PTPRM: variants seen among roughly 807,000 people sequenced by gnomAD.
PTPRM encodes protein tyrosine phosphatase receptor type M, also known as receptor-type tyrosine-protein phosphatase mu.
PTPRM carries 47 observed loss-of-function variants against 186.7 expected under a neutral mutation model. The ratio of observed to expected loss-of-function variants is 0.25; its 90% confidence interval spans 0.20 to 0.32. The LOEUF (loss-of-function observed/expected upper bound fraction) is 0.32, where lower values mean the gene tolerates loss of function less well. PTPRM is among the 10% of genes least tolerant of loss of function. The pLI is 1.00. For missense variants in PTPRM, 1,494 were observed against 1,865.0 expected (o/e 0.80, Z 3.66); for synonymous variants, 668 against 674.9 (o/e 0.99, Z 0.16).
chr18:7,984,592 T>TAC (rs1555676848), intron 7 of PTPRM, among the ~76,000 whole-genome samples: 9 of 123,028 alleles, frequency 7.3e-5, no homozygotes, highest in African/African-American at 2.6e-4. Context: ...TATATATATA[T>TAC]ATATATATAT....
intron 20 of PTPRM, among the ~76,000 whole-genome samples, chr18:8,304,548 C>T (rs2095198862): frequency 6.6e-6 from 1 of 152,074 alleles, no homozygotes; most frequent in African/African-American, 2.4e-5. Context: ...TGGAGTTTCT[C>T]AAAGTGGCAG....
chr18:7,644,043 G>C (rs900321980), intron 1 of PTPRM, among the ~76,000 whole-genome samples: 5 of 152,102 alleles, frequency 3.3e-5, no homozygotes, highest in African/African-American at 1.2e-4. Context: ...TTCCTTGTCT[G>C]CTAGTATTAC....
At chr18:8,362,535 C>T (rs1255127180) in intron 23 of PTPRM, among the ~76,000 whole-genome samples, 13 of 152,092 alleles carry the variant, frequency 8.5e-5, no homozygotes. Flanking sequence ...AGGATCGCGC[C>T]CTCCCAGCCC....
chr18:8,028,563 A>AAAACCATATGTGT (rs1419528919), intron 7 of PTPRM, among the ~76,000 whole-genome samples: 2 of 152,240 alleles, frequency 1.3e-5, no homozygotes, highest in South Asian at 2.1e-4. Flanking sequence ...CTTGCCCATT[A>AAAACCATATGTGT]AAACCATATG....
At chr18:8,335,314 T>A (rs970181250) in intron 22 of PTPRM, among the ~76,000 whole-genome samples, 1 of 144,228 alleles carries the variant, frequency 6.9e-6, no homozygotes, top group African/African-American at 2.5e-5. Flanking sequence ...TCAACAATGC[T>A]AGTCCTGCTA....
intron 1 of PTPRM, among the ~76,000 whole-genome samples, chr18:7,669,439 A>G (rs900870593): frequency 2.0e-5 from 3 of 152,072 alleles, no homozygotes; most frequent in African/African-American, 4.8e-5. Flanking sequence ...TTGCATGCCT[A>G]TTGGGCCCCC....
chr18:7,634,475 G>A (rs184422140), intron 1 of PTPRM, among the ~76,000 whole-genome samples: 1 of 152,132 alleles, frequency 6.6e-6, no homozygotes, highest in Non-Finnish European at 1.5e-5. Flanking sequence ...TGGCTGTGAA[G>A]GTAGGACATG....
At chr18:8,143,881 C>T in intron 14 of PTPRM, 102 bp downstream of exon 14, 4 of 1,392,134 alleles carry the variant, frequency 2.9e-6, no homozygotes, top group Middle Eastern at 2.0e-4. Flanking sequence ...CTTTGATAAC[C>T]CAGACACATC....
chr18:8,113,774 T>C lies in PTPRM; in HGVS notation c.2130+15T>C. 1.2e-6 allele frequency: 2 copies of C among 1,600,286 alleles called. No homozygotes were observed. The highest frequency in any genetic ancestry group is 1.1e-5 in the South Asian group (1 of 89,792). On this transcript the variant is annotated intron_variant, in intron 12 of 32. Transcript: ENST00000580170. ...GAGCCAATGGGGTAAGTTGTACAGATAACTGTTTACTTAGGCTATTTGGGG... is the reference window on the plus strand; with the variant it reads ...GAGCCAATGGGGTAAGTTGTACAGACAACTGTTTACTTAGGCTATTTGGGG...
chr18:7,578,481 G>A (rs1012096079), intron 1 of PTPRM, among the ~76,000 whole-genome samples: 10 of 151,856 alleles, frequency 6.6e-5, no homozygotes, highest in African/African-American at 2.4e-4. Context: ...GGCTATAGGC[G>A]CCCGCCACCA....
Position 8,143,678 on chromosome 18 carries a change from C to G in PTPRM, c.2199C>G (p.Pro733=). 1 of 1,607,196 alleles carries G rather than the reference C, an allele frequency of 6.2e-7. No homozygotes were observed. The highest frequency in any genetic ancestry group is 8.5e-7 in the Non-Finnish European group (1 of 1,173,712). Reference sequence around the variant, plus strand: ...CCACTCCGAAACCAGTCCCAGAACCCGAGAAACAGACAGACCATACAGTTA... The same window carrying G: ...CCACTCCGAAACCAGTCCCAGAACCGGAGAAACAGACAGACCATACAGTTA... ...GAATPKPVPE[P]EKQTDHTVKI... Residue 733 remains proline, a synonymous_variant, in exon 14 of 33, where the codon CCC becomes CCG. Transcript: ENST00000580170.
At chr18:8,093,336 C>T (rs1369587056) in intron 11 of PTPRM, among the ~76,000 whole-genome samples, 1 of 150,024 alleles carries the variant, frequency 6.7e-6, no homozygotes, top group Non-Finnish European at 1.5e-5. Context: ...TTTGCACATA[C>T]TCAGCACCAT....
chr18:7,574,551 C>CA (rs1298422356), intron 1 of PTPRM, among the ~76,000 whole-genome samples: 1 of 152,158 alleles, frequency 6.6e-6, no homozygotes, highest in African/African-American at 2.4e-5. Flanking sequence ...AAGGATAAAG[C>CA]AGGTATAGTT....
At chr18:8,300,848 C>T (rs950110732) in intron 20 of PTPRM, among the ~76,000 whole-genome samples, 4 of 152,184 alleles carry the variant, frequency 2.6e-5, no homozygotes, top group Non-Finnish European at 4.4e-5. Flanking sequence ...CCTTCCATGG[C>T]GTCCTGAAGC....
At chr18:8,083,176 C>T (rs987180435) in intron 9 of PTPRM, among the ~76,000 whole-genome samples, 14 of 152,148 alleles carry the variant, frequency 9.2e-5, no homozygotes, top group Admixed American at 6.6e-4. Context: ...ATCAACCTTC[C>T]ACCTGCAGTC....
chr18:8,205,294 A>G (rs1290196521), intron 14 of PTPRM, among the ~76,000 whole-genome samples: 1 of 152,128 alleles, frequency 6.6e-6, no homozygotes, highest in Non-Finnish European at 1.5e-5. Flanking sequence ...ACAATTCAAT[A>G]CAAAAAAAAA....
chr18:8,400,870 C>T (rs776832496), intron 32 of PTPRM, among the ~76,000 whole-genome samples: 2 of 152,156 alleles, frequency 1.3e-5, no homozygotes, highest in Non-Finnish European at 2.9e-5. Flanking sequence ...TATTTAACGG[C>T]TGTGCATGTG....
chr18:7,825,187 T>G (rs1168162498), intron 2 of PTPRM, among the ~76,000 whole-genome samples: 1 of 152,032 alleles, frequency 6.6e-6, no homozygotes, highest in Non-Finnish European at 1.5e-5. Flanking sequence ...GTTGCAATTG[T>G]CCGAAAGAGG....
At chr18:8,240,651 G>GAGAAAGAAAGAA (rs761192602) in intron 14 of PTPRM, among the ~76,000 whole-genome samples, 5 of 33,838 alleles carry the variant, frequency 1.5e-4, no homozygotes, top group African/African-American at 3.6e-4. Context: ...GAGAGAGAGA[G>GAGAAAGAAAGAA]AGAAAGAAAG....
Sources: allele counts gnomAD v4.1 joint callset (sites outside exome capture counted in the v4.1 genomes callset), GRCh38; gene constraint gnomAD v4.1.1; transcripts MANE v1.5; gene names NCBI Gene and HGNC (gene_info 2026-07-23, HGNC 2026-07-21).